ZFPM2: variants seen among roughly 807,000 people sequenced by gnomAD.
ZFPM2 encodes zinc finger protein ZFPM2.
ZFPM2 carries 20 observed loss-of-function variants against 98.6 expected under a neutral mutation model. The ratio of observed to expected loss-of-function variants is 0.20; its 90% confidence interval spans 0.14 to 0.29. The LOEUF (loss-of-function observed/expected upper bound fraction) is 0.29, where lower values mean the gene tolerates loss of function less well. Among genes scored for constraint, ZFPM2 ranks in the 10% least tolerant of loss-of-function variants. The pLI, the probability that ZFPM2 is intolerant of heterozygous loss-of-function variation, is 1.00. For synonymous variants in ZFPM2, 518 were observed against 502.7 expected (o/e 1.03, Z -0.41); for missense variants, 1,310 against 1,388.6 (o/e 0.94, Z 0.90).
At chr8:105,555,246 T>C (rs543542884) in intron 3 of ZFPM2, among the ~76,000 whole-genome samples, 12 of 152,250 alleles carry the variant, frequency 7.9e-5, no homozygotes, top group African/African-American at 2.9e-4. Flanking sequence ...TTCTGTGAAC[T>C]TACCCAGCAT....
At chr8:105,800,720 A>C (rs1187150545) in intron 7 of ZFPM2, among the ~76,000 whole-genome samples, 1 of 152,168 alleles carries the variant, frequency 6.6e-6, no homozygotes, top group African/African-American at 2.4e-5. Context: ...AGGCTTAGGC[A>C]TGGCTTCATC....
intron 5 of ZFPM2, among the ~76,000 whole-genome samples, chr8:105,694,217 A>G (rs1407418979): frequency 1.3e-5 from 2 of 151,564 alleles, no homozygotes; most frequent in Non-Finnish European, 2.9e-5. Flanking sequence ...CAATCTCCTG[A>G]CCTTGTGATC....
intron 4 of ZFPM2, among the ~76,000 whole-genome samples, chr8:105,604,220 G>A (rs1181610772): frequency 1.3e-5 from 2 of 151,974 alleles, no homozygotes; most frequent in Non-Finnish European, 2.9e-5. Flanking sequence ...CTGGGAGTTA[G>A]CCTTAATTCC....
chr8:105,571,150 G>T (rs1815346302), intron 4 of ZFPM2, among the ~76,000 whole-genome samples: 1 of 152,142 alleles, frequency 6.6e-6, no homozygotes, highest in South Asian at 2.1e-4. Flanking sequence ...AATCACTATT[G>T]ATTTATAGCT....
At chr8:105,334,469 G>T (rs957701860) in intron 1 of ZFPM2, among the ~76,000 whole-genome samples, 10 of 151,532 alleles carry the variant, frequency 6.6e-5, no homozygotes, top group Non-Finnish European at 1.5e-5. Flanking sequence ...AAGAAATAAT[G>T]CAGAGAAAAA....
chr8:105,791,813 T>C (rs1813620532), intron 6 of ZFPM2, among the ~76,000 whole-genome samples: 1 of 152,154 alleles, frequency 6.6e-6, no homozygotes, highest in Non-Finnish European at 1.5e-5. Flanking sequence ...CCTGGTTTAG[T>C]CTTGGGAGAG....
At chr8:105,541,056 T>C (rs1409251739) in intron 3 of ZFPM2, among the ~76,000 whole-genome samples, 1 of 152,134 alleles carries the variant, frequency 6.6e-6, no homozygotes, top group Non-Finnish European at 1.5e-5. Flanking sequence ...TTCTTTTCCG[T>C]AGTTAAAGCA....
At chr8:105,601,966 A>T (rs1283829673) in intron 4 of ZFPM2, among the ~76,000 whole-genome samples, 1 of 152,100 alleles carries the variant, frequency 6.6e-6, no homozygotes, top group Admixed American at 6.6e-5. Flanking sequence ...AACCCTCAGG[A>T]CGCCTTCAAC....
At chr8:105,674,707 A>G (rs1413361844) in intron 5 of ZFPM2, among the ~76,000 whole-genome samples, 2 of 152,176 alleles carry the variant, frequency 1.3e-5, no homozygotes, top group African/African-American at 2.4e-5. Flanking sequence ...ACACTCTTAT[A>G]TTAGGTCTTT....
At chr8:105,509,879 C>T (rs567153032) in intron 3 of ZFPM2, among the ~76,000 whole-genome samples, 67 of 152,112 alleles carry the variant, frequency 4.4e-4, no homozygotes, top group African/African-American at 1.5e-3. Flanking sequence ...AGATAAAACA[C>T]GAGGATTTAT....
At chr8:105,597,377 T>C (rs1815994011) in intron 4 of ZFPM2, among the ~76,000 whole-genome samples, 1 of 152,158 alleles carries the variant, frequency 6.6e-6, no homozygotes, top group African/African-American at 2.4e-5. Flanking sequence ...GGAGATAATA[T>C]GTTTCAAATA....
chr8:105,703,477 C>T (rs770796431), intron 5 of ZFPM2, among the ~76,000 whole-genome samples: 18 of 151,984 alleles, frequency 1.2e-4, no homozygotes, highest in Non-Finnish European at 1.6e-4. Context: ...GAAGGGCAAT[C>T]GAGGTACACA....
intron 1 of ZFPM2, among the ~76,000 whole-genome samples, chr8:105,399,031 A>T (rs1219935312): frequency 2.6e-5 from 4 of 152,120 alleles, no homozygotes; most frequent in African/African-American, 9.7e-5. Context: ...ACCCTAAATT[A>T]GGAAAGAGCT....
chr8:105,338,173 G>A (rs1201099249), intron 1 of ZFPM2, among the ~76,000 whole-genome samples: 1 of 151,534 alleles, frequency 6.6e-6, no homozygotes, highest in Non-Finnish European at 1.5e-5. Flanking sequence ...ATAAATAAAG[G>A]TCCACCTTTA....
chr8:105,435,110 A>G (rs1038571086), intron 2 of ZFPM2, among the ~76,000 whole-genome samples: 3 of 152,236 alleles, frequency 2.0e-5, no homozygotes, highest in Non-Finnish European at 4.4e-5. Flanking sequence ...CATTTATGCT[A>G]TGCATTATAT....
chr8:105,739,957 T>G (rs1812175377), intron 5 of ZFPM2, among the ~76,000 whole-genome samples: 1 of 152,046 alleles, frequency 6.6e-6, no homozygotes, highest in Non-Finnish European at 1.5e-5. Context: ...CCCCCTTTTC[T>G]TTACCCTGTA....
intron 4 of ZFPM2, among the ~76,000 whole-genome samples, chr8:105,603,038 A>G (rs1471538135): frequency 6.6e-6 from 1 of 152,168 alleles, no homozygotes; most frequent in East Asian, 1.9e-4. Flanking sequence ...ACTATGATAC[A>G]TGGAGAATAG....
chr8:105,645,469 G>A (rs563154013), intron 5 of ZFPM2, among the ~76,000 whole-genome samples: 11 of 152,234 alleles, frequency 7.2e-5, no homozygotes, highest in East Asian at 3.9e-4. Context: ...TTCTGTTCCC[G>A]TATTTAATGT....
intron 3 of ZFPM2, among the ~76,000 whole-genome samples, chr8:105,555,207 A>G (rs1814957971): frequency 6.6e-6 from 1 of 152,104 alleles, no homozygotes; most frequent in Non-Finnish European, 1.5e-5. Context: ...ACCAAAATTG[A>G]TTAGTCCGTC....
Sources: allele counts gnomAD v4.1 joint callset (sites outside exome capture counted in the v4.1 genomes callset), GRCh38; gene constraint gnomAD v4.1.1; transcripts MANE v1.5; gene names NCBI Gene and HGNC (gene_info 2026-07-23, HGNC 2026-07-21).